Variants in LITAF observed in about 807,000 individuals in gnomAD.
LITAF encodes lipopolysaccharide-induced tumor necrosis factor-alpha factor.
A neutral mutation model predicts 14.5 loss-of-function variants in LITAF; 9 were observed. The ratio of observed to expected loss-of-function variants is 0.62; its 90% CI spans 0.37 to 1.08. The LOEUF (loss-of-function observed/expected upper bound fraction) is 1.08, where lower values mean the gene tolerates loss of function less well. Ranked by LOEUF, LITAF falls within the 50% of genes least tolerant of loss-of-function variation. LITAF has a pLI of 0.01. For missense variants in LITAF, 206 were observed against 213.4 expected, an observed-to-expected ratio of 0.97 and a Z score of 0.22; for synonymous variants, 98 against 88.2, an observed-to-expected ratio of 1.11 and a Z score of -0.62.
At position 11,565,772 on chromosome 16, in the gene LITAF, G is replaced by T. The variant is rs191962221; in HGVS notation, c.-5-9037C>A. On this transcript the variant is annotated intron_variant, in intron 1 of 3. Coordinates refer to ENST00000622633, the MANE Select transcript of LITAF (RefSeq NM_001136472.2). The stretch of plus-strand genomic sequence containing the variant: ...ATGTTCCCAAACATGTCACGGGCAT[G>T]CTCTTTCTTCCGTCTGCCTCCTTCC... 9.9e-5 allele frequency among the ~76,000 whole-genome samples: 15 copies of T among 151,548 alleles called. 1 individual carries two copies. In the East Asian group the frequency reaches 2.7e-3, roughly 28 times the overall value.
intron 3 of LITAF, among the ~76,000 whole-genome samples, chr16:11,608,864 G>A (rs900436249): frequency 3.3e-5 from 5 of 152,166 alleles, no homozygotes; most frequent in Admixed American, 6.5e-5. Flanking sequence ...TCGGGAGGCC[G>A]AGGCATGAGA....
rs1258530433 is a variant in LITAF, at chr16:11,611,175, C to CA, written c.85+22357dup. Among the ~76,000 whole-genome samples the CA allele has an allele frequency of 9.1e-3, 1,346 of 148,592 alleles. 13 individuals carry two copies. Among genetic ancestry groups the CA allele is most frequent in the East Asian group, 0.031 (160 of 5,090 alleles). ...ACCAGCCTAGGCAAAAATAGTGAGA[C>CA]AAAAAAAAAAATTTTTAATTAGCCA... On this transcript the variant is annotated intron_variant, in intron 3 of 3. Coordinates refer to the LITAF transcript ENST00000574848.
At chr16:11,578,095 C>T (rs965348420) in intron 1 of LITAF, among the ~76,000 whole-genome samples, 1 of 152,038 alleles carries the variant, frequency 6.6e-6, no homozygotes, top group African/African-American at 2.4e-5. Flanking sequence ...ATGGGGGTCT[C>T]AATATGTTGC....
At position 11,548,662 on chromosome 16, in the gene LITAF, T is replaced by G; in HGVS notation, c.*975A>C. 1 of 453,458 alleles carries G rather than the reference T, an allele frequency of 2.2e-6. No individual in the cohort carries two copies. Among genetic ancestry groups the G allele is most frequent in the Non-Finnish European group, 4.4e-6 (1 of 226,692 alleles). 28.1% of individuals were successfully genotyped at this position (453,458 alleles called of 1,614,324 possible). A position where few individuals can be genotyped will look rare whatever the true frequency, so the allele number is the denominator to read the frequency against. Reference sequence around the variant, plus strand: ...CCAATCATTTGATTACAGAAAATGGTTTTATAAATCCTCCTCTTGAAATTA... The same window carrying G: ...CCAATCATTTGATTACAGAAAATGGGTTTATAAATCCTCCTCTTGAAATTA... On this transcript the variant is annotated 3_prime_UTR_variant, in exon 4 of 4. Coordinates refer to ENST00000622633, the MANE Select transcript of LITAF (RefSeq NM_001136472.2).
chr16:11,595,611 C>A (rs2064879607), intron 1 of LITAF, among the ~76,000 whole-genome samples: 2 of 152,122 alleles, frequency 1.3e-5, no homozygotes, highest in African/African-American at 2.4e-5. Context: ...CTCCTGTAGT[C>A]CCAGCTACTT....
chr16:11,587,212 C>T (rs988603828), upstream of LITAF: 2 of 367,542 alleles, frequency 5.4e-6, no homozygotes, highest in Non-Finnish European at 1.1e-5. Flanking sequence ...CCCTGCCTCT[C>T]GGTGCCAGCC....
At chr16:11,638,117 T>TATAG (rs1555475736), upstream of LITAF, among the ~76,000 whole-genome samples, 1,968 of 69,504 alleles carry the variant, frequency 0.028, 296 homozygotes, top group Non-Finnish European at 0.04. Flanking sequence ...TATCTATCTA[T>TATAG]ATAGATAGAT....
At chr16:11,622,223 G>A (rs1034809715) in intron 3 of LITAF, among the ~76,000 whole-genome samples, 4 of 152,226 alleles carry the variant, frequency 2.6e-5, no homozygotes, top group Non-Finnish European at 5.9e-5. Flanking sequence ...TGAGACCCCA[G>A]CTGGAAGCAT....
chr16:11,573,515 G>A (rs2064578936), intron 1 of LITAF, among the ~76,000 whole-genome samples: 1 of 152,190 alleles, frequency 6.6e-6, no homozygotes, highest in African/African-American at 2.4e-5. Context: ...GGTAACAGCA[G>A]AAGCCTAGTC....
intron 3 of LITAF, among the ~76,000 whole-genome samples, chr16:11,620,641 C>T (rs937159920): frequency 9.9e-5 from 15 of 152,282 alleles, no homozygotes; most frequent in South Asian, 6.2e-4. Flanking sequence ...GCCCACTTTC[C>T]CACTATTGAA....
At chr16:11,591,410 C>A (rs894702255), upstream of LITAF, among the ~76,000 whole-genome samples, 1 of 147,348 alleles carries the variant, frequency 6.8e-6, no homozygotes, top group Non-Finnish European at 1.5e-5. Context: ...GTATTGAACT[C>A]CTGGGCTCAA....
intron 3 of LITAF, among the ~76,000 whole-genome samples, chr16:11,625,434 C>T (rs746473352): frequency 4.0e-5 from 6 of 151,898 alleles, no homozygotes; most frequent in African/African-American, 1.2e-4. Context: ...GGCTCATTTA[C>T]GCATTTTTAG....
At chr16:11,577,243 C>G (rs1261732508) in intron 1 of LITAF, among the ~76,000 whole-genome samples, 1 of 152,034 alleles carries the variant, frequency 6.6e-6, no homozygotes, top group Non-Finnish European at 1.5e-5. Flanking sequence ...CAGCTGAGGT[C>G]TCCTGTGCCC....
intron 1 of LITAF, chr16:11,575,617 A>G (rs2064619708): frequency 6.6e-6 from 1 of 152,300 alleles, no homozygotes; most frequent in African/African-American, 2.4e-5. Flanking sequence ...GAGTCTAAAA[A>G]TAAGCTTCAA....
upstream of LITAF, among the ~76,000 whole-genome samples, chr16:11,639,442 G>T (rs2065155547): frequency 6.7e-6 from 1 of 150,348 alleles, no homozygotes. Flanking sequence ...GGATGGGTGG[G>T]TGGGATGCAT....
intron 3 of LITAF, among the ~76,000 whole-genome samples, chr16:11,621,563 T>A (rs1030037156): frequency 1.3e-5 from 2 of 152,130 alleles, no homozygotes; most frequent in African/African-American, 4.8e-5. Flanking sequence ...CAGACTGGTA[T>A]TAACCCCCCT....
At chr16:11,614,614 T>A (rs968549797) in intron 3 of LITAF, among the ~76,000 whole-genome samples, 1 of 151,864 alleles carries the variant, frequency 6.6e-6, no homozygotes, top group Non-Finnish European at 1.5e-5. Flanking sequence ...TCTGGTTTTT[T>A]TTTAAGATGG....
intron 3 of LITAF, among the ~76,000 whole-genome samples, chr16:11,616,091 A>G (rs371208706): frequency 6.6e-6 from 1 of 152,030 alleles, no homozygotes. Context: ...GGGCACCCCA[A>G]CTCCACGGGG....
rs546162950 is a variant in LITAF at position 11,573,168 on chromosome 16, G to A, written c.-6+13718C>T. 4.6e-5 allele frequency among the ~76,000 whole-genome samples: 7 copies of A among 152,148 alleles called. No individual in the cohort carries two copies. The South Asian group carries it at 8.3e-4, about 18-fold the overall frequency. On this transcript the variant is annotated intron_variant, in intron 1 of 3. Transcript: ENST00000622633. ...TGGTCCCAAACTCCTGACCTCAAGC[G>A]ATCCGCCTGCCTCGGCCTCCCAAAG...
Sources: gnomAD v4.1 joint callset for allele counts (sites outside exome capture counted in the v4.1 genomes callset) on GRCh38, gnomAD v4.1.1 for gene constraint, MANE v1.5 for transcripts, NCBI Gene and HGNC (gene_info 2026-07-23, HGNC 2026-07-21) for gene names.